The following WWOX variants were observed in gnomAD, a reference collection of about 807,000 sequenced individuals.
The protein encoded by WWOX is WW domain-containing oxidoreductase.
A neutral mutation model predicts 46.2 loss-of-function variants in WWOX; 69 were observed. That is an observed-to-expected ratio of 1.49 (90% CI 1.23 to 1.82). The LOEUF is 1.82. Among genes scored for constraint, WWOX ranks in the 40% most tolerant of loss-of-function variants. The pLI, the probability that WWOX is intolerant of heterozygous loss-of-function variation, is 0.00. For missense variants in WWOX, 919 were observed against 542.6 expected, an observed-to-expected ratio of 1.69 and a Z score of -6.89; for synonymous variants, 359 against 202.6, an observed-to-expected ratio of 1.77 and a Z score of -6.56.
chr16:78,216,158 A>C (rs9922503), intron 5 of WWOX, among the ~76,000 whole-genome samples: 37,152 of 152,052 alleles, frequency 0.24, 4,633 homozygotes, highest in Middle Eastern at 0.31. Flanking sequence ...CTTGTCAATT[A>C]AATAAGAACA....
At chr16:78,965,065 T>G (rs952091497) in intron 8 of WWOX, among the ~76,000 whole-genome samples, 1 of 152,164 alleles carries the variant, frequency 6.6e-6, no homozygotes, top group African/African-American at 2.4e-5. Context: ...GGAGCCCTCA[T>G]GGAGAACCTC....
intron 5 of WWOX, among the ~76,000 whole-genome samples, chr16:78,376,593 T>A (rs935154251): frequency 1.3e-5 from 2 of 152,180 alleles, no homozygotes; most frequent in African/African-American, 4.8e-5. Context: ...CACGCAGGCA[T>A]CCTCGGGACT....
intron 8 of WWOX, among the ~76,000 whole-genome samples, chr16:79,127,736 A>T (rs894507462): frequency 3.3e-5 from 5 of 152,194 alleles, no homozygotes; most frequent in East Asian, 3.9e-4. Flanking sequence ...ACTAAGCAAC[A>T]TACGACAGTT....
At chr16:78,422,699 A>ATATATATATATG (rs2082966272) in intron 6 of WWOX, among the ~76,000 whole-genome samples, 1 of 110,302 alleles carries the variant, frequency 9.1e-6, no homozygotes, top group African/African-American at 3.8e-5. Context: ...ACACACACAC[A>ATATATATATATG]CATATATATA....
At chr16:78,144,486 T>TACAC in intron 4 of WWOX, among the ~76,000 whole-genome samples, 1 of 19,862 alleles carries the variant, frequency 5.0e-5, no homozygotes, top group African/African-American at 1.8e-4. Flanking sequence ...TATATATATA[T>TACAC]ACACACACAC....
chr16:78,317,399 A>G (rs1422908836), intron 5 of WWOX, among the ~76,000 whole-genome samples: 1 of 152,128 alleles, frequency 6.6e-6, no homozygotes, highest in African/African-American at 2.4e-5. Context: ...TACTGCATCT[A>G]GCAGATAGAT....
intron 8 of WWOX, among the ~76,000 whole-genome samples, chr16:78,866,887 C>T (rs1448000317): frequency 6.6e-6 from 1 of 152,196 alleles, no homozygotes; most frequent in Non-Finnish European, 1.5e-5. Context: ...AAGCCTGCAG[C>T]ATCAGGGCTG....
intron 8 of WWOX, among the ~76,000 whole-genome samples, chr16:78,488,878 C>T (rs1468031553): frequency 1.1e-4 from 16 of 151,952 alleles, no homozygotes. Flanking sequence ...AGTAGGCTTT[C>T]AGTGGGCCAC....
chr16:78,547,297 C>T (rs918856127), intron 8 of WWOX, among the ~76,000 whole-genome samples: 1 of 152,016 alleles, frequency 6.6e-6, no homozygotes, highest in East Asian at 1.9e-4. Flanking sequence ...TAATACAATT[C>T]TACTAGAGGG....
At chr16:78,829,908 C>G (rs1435349679) in intron 8 of WWOX, among the ~76,000 whole-genome samples, 2 of 152,058 alleles carry the variant, frequency 1.3e-5, no homozygotes, top group African/African-American at 4.8e-5. Flanking sequence ...TTCTAAATAC[C>G]ATCTGACATA....
In WWOX at chr16:78,108,404, A is replaced by ATTTT; in HGVS notation, c.108-16_108-13dup. 6.5e-7 allele frequency: 1 copy of ATTTT among 1,550,366 alleles called. No individual in the cohort carries two copies. The highest frequency in any genetic ancestry group is 1.4e-5 in the African/African-American group (1 of 73,332). On this transcript the variant is annotated intron_variant, in intron 1 of 8. Transcript: ENST00000566780. ...AGTTAATTTTTACTTATTACTGTGGATTTTTTGTTTTTTAACAGTCACACC... is the reference window on the plus strand; with the variant it reads ...AGTTAATTTTTACTTATTACTGTGGATTTTTTTTTTGTTTTTTAACAGTCACACC...
At chr16:78,358,072 C>G (rs146816800) in intron 5 of WWOX, among the ~76,000 whole-genome samples, 1 of 152,320 alleles carries the variant, frequency 6.6e-6, no homozygotes, top group African/African-American at 2.4e-5. Flanking sequence ...TTTCTGCATA[C>G]ACTTGGAACT....
intron 8 of WWOX, among the ~76,000 whole-genome samples, chr16:78,582,285 G>A (rs1048950696): frequency 2.6e-5 from 4 of 152,292 alleles, no homozygotes; most frequent in East Asian, 1.9e-4. Flanking sequence ...AGCAATTGCT[G>A]TTGGATTATG....
At chr16:78,522,977 C>T (rs1412411468) in intron 8 of WWOX, among the ~76,000 whole-genome samples, 2 of 152,130 alleles carry the variant, frequency 1.3e-5, no homozygotes, top group African/African-American at 2.4e-5. Context: ...GAGGCTGAGG[C>T]AGGAGAATTG....
chr16:78,211,642 G>C (rs1192665791), intron 5 of WWOX, among the ~76,000 whole-genome samples: 1 of 152,180 alleles, frequency 6.6e-6, no homozygotes, highest in Non-Finnish European at 1.5e-5. Flanking sequence ...TGTGTGCTTA[G>C]AATCAGTGTG....
At chr16:78,979,910 C>G (rs1427497014) in intron 8 of WWOX, among the ~76,000 whole-genome samples, 1 of 152,118 alleles carries the variant, frequency 6.6e-6, no homozygotes, top group Non-Finnish European at 1.5e-5. Context: ...GGGTGGATCA[C>G]AAGGTCAGGA....
chr16:78,420,376 C>T (rs1223980603), intron 6 of WWOX, among the ~76,000 whole-genome samples: 2 of 152,072 alleles, frequency 1.3e-5, no homozygotes, highest in African/African-American at 4.8e-5. Flanking sequence ...AAATATCCAT[C>T]ATTGGTGAAT....
chr16:78,614,523 C>G (rs908524875), intron 8 of WWOX, among the ~76,000 whole-genome samples: 6 of 152,210 alleles, frequency 3.9e-5, no homozygotes, highest in African/African-American at 1.4e-4. Context: ...GCTGGGCTCA[C>G]TTCTGAAGCT....
At chr16:78,491,682 A>G (rs1358571914) in intron 8 of WWOX, among the ~76,000 whole-genome samples, 1 of 152,140 alleles carries the variant, frequency 6.6e-6, no homozygotes, top group African/African-American at 2.4e-5. Flanking sequence ...TACCTGTGGG[A>G]GTGATTACAG....
Sources: gnomAD v4.1 joint callset for allele counts (sites outside exome capture counted in the v4.1 genomes callset) on GRCh38, gnomAD v4.1.1 for gene constraint, MANE v1.5 for transcripts, NCBI Gene and HGNC (gene_info 2026-07-23, HGNC 2026-07-21) for gene names.